Variants in CDK14 observed in about 807,000 individuals in gnomAD.
CDK14 encodes cyclin-dependent kinase 14.
In CDK14, 34 loss-of-function variants were observed where a neutral mutation model predicts 60.7. The observed-to-expected ratio is 0.56, with a 90% CI of 0.43 to 0.75. CDK14 has a LOEUF of 0.75. Ranked by LOEUF, CDK14 falls within the 30% of genes least tolerant of loss-of-function variation. CDK14 has a pLI of 0.00. For synonymous variants in CDK14, 197 were observed against 203.7 expected (o/e 0.97, Z 0.28); for missense variants, 482 against 564.1 (o/e 0.85, Z 1.47).
intron 9 of CDK14, among the ~76,000 whole-genome samples, chr7:90,975,918 A>G (rs996205042): frequency 4.6e-5 from 7 of 151,862 alleles, no homozygotes; most frequent in African/African-American, 1.7e-4. Flanking sequence ...TGTAGACCAT[A>G]TTTTCTTCAT....
At chr7:90,851,523 G>T (rs1008744926) in intron 5 of CDK14, among the ~76,000 whole-genome samples, 1 of 152,150 alleles carries the variant, frequency 6.6e-6, no homozygotes, top group African/African-American at 2.4e-5. Context: ...GGAAAGGCAG[G>T]TTGTATGAGC....
At chr7:91,100,444 G>T (rs1361574521) in intron 12 of CDK14, among the ~76,000 whole-genome samples, 1 of 152,146 alleles carries the variant, frequency 6.6e-6, no homozygotes, top group Non-Finnish European at 1.5e-5. Context: ...ATCTACTTTT[G>T]TAGGAGTTAA....
In CDK14 at chr7:90,596,526, T is replaced by TGGA; in HGVS notation, c.-93_-91dup. The TGGA allele has an allele frequency of 1.1e-6, 1 of 917,346 alleles. No individual in the cohort carries two copies. The allele number at this position is 917,346 out of a possible 1,614,324, so 56.8% of individuals were successfully genotyped here. ...GCTTCCCGGCCCGCCGAGGAGGTGG[T>TGGA]GGAGGAGGAGGCGCCGCTTTCCCCG... On this transcript the variant is annotated 5_prime_UTR_variant, in exon 1 of 15. Transcript: ENST00000380050.
chr7:90,693,525 G>A (rs1244254154), intron 2 of CDK14, among the ~76,000 whole-genome samples: 3 of 152,224 alleles, frequency 2.0e-5, no homozygotes, highest in African/African-American at 7.2e-5. Flanking sequence ...GCACGGCTGT[G>A]TTGTTGGGAA....
chr7:90,730,082 AC>A (rs1419032795), intron 3 of CDK14, among the ~76,000 whole-genome samples: 14 of 152,004 alleles, frequency 9.2e-5, no homozygotes, highest in African/African-American at 2.9e-4. Context: ...TTTAACTCCC[AC>A]TTATGAGTGA....
chr7:90,826,478 A>G (rs1407283303), intron 5 of CDK14, among the ~76,000 whole-genome samples: 1 of 152,038 alleles, frequency 6.6e-6, no homozygotes, highest in African/African-American at 2.4e-5. Flanking sequence ...TGGGCTCCCA[A>G]AGTGCTGGGA....
At chr7:91,005,432 C>A (rs1795958273) in intron 10 of CDK14, among the ~76,000 whole-genome samples, 1 of 152,210 alleles carries the variant, frequency 6.6e-6, no homozygotes, top group Admixed American at 6.5e-5. Flanking sequence ...ATGGAAGATA[C>A]CCTTGGAGTG....
At chr7:91,101,495 T>A (rs1799144947) in intron 12 of CDK14, among the ~76,000 whole-genome samples, 1 of 152,212 alleles carries the variant, frequency 6.6e-6, no homozygotes, top group South Asian at 2.1e-4. Context: ...GAATAAGTAT[T>A]GAGTATTTTT....
chr7:91,005,871 G>A (rs998450739), intron 10 of CDK14, among the ~76,000 whole-genome samples: 3 of 152,232 alleles, frequency 2.0e-5, no homozygotes, highest in Non-Finnish European at 4.4e-5. Flanking sequence ...GCAAATAGTG[G>A]TATTTTTAGA....
At chr7:90,715,853 C>G (rs1802230322) in intron 2 of CDK14, among the ~76,000 whole-genome samples, 1 of 151,636 alleles carries the variant, frequency 6.6e-6, no homozygotes, top group Non-Finnish European at 1.5e-5. Flanking sequence ...AATCTCAAAA[C>G]AAAGTCACCC....
At chr7:90,750,153 AACACACACACACACACACACACAC>A (rs3138824) in intron 4 of CDK14, among the ~76,000 whole-genome samples, 4 of 131,414 alleles carry the variant, frequency 3.0e-5, no homozygotes, top group South Asian at 2.6e-4. Flanking sequence ...GGGGAAAGAA[AACACACACACACACACACACACAC>A]ACACACACAC....
intron 2 of CDK14, among the ~76,000 whole-genome samples, chr7:90,696,250 T>C (rs1201664344): frequency 6.6e-6 from 1 of 152,092 alleles, no homozygotes; most frequent in African/African-American, 2.4e-5. Flanking sequence ...TAGGCTCATA[T>C]TGAGATGGGG....
chr7:90,730,209 T>C (rs1802808221), intron 3 of CDK14, among the ~76,000 whole-genome samples: 1 of 152,246 alleles, frequency 6.6e-6, no homozygotes, highest in South Asian at 2.1e-4. Context: ...GGCTGCATAG[T>C]ATTCCATGGT....
intron 2 of CDK14, among the ~76,000 whole-genome samples, chr7:90,697,342 T>A (rs1014672543): frequency 6.6e-6 from 1 of 152,174 alleles, no homozygotes; most frequent in African/African-American, 2.4e-5. Flanking sequence ...ATAGCACTTT[T>A]TGCATTGTGG....
intron 4 of CDK14, among the ~76,000 whole-genome samples, chr7:90,766,622 C>T (rs561877362): frequency 1.2e-4 from 18 of 152,280 alleles, no homozygotes; most frequent in Middle Eastern, 3.4e-3. Flanking sequence ...ACTTCAAAAT[C>T]TGCTTTCTTG....
intron 12 of CDK14, among the ~76,000 whole-genome samples, chr7:91,092,005 C>G (rs1045751452): frequency 2.0e-5 from 3 of 151,922 alleles, no homozygotes; most frequent in African/African-American, 7.3e-5. Flanking sequence ...TAGTTGGACC[C>G]CAGATGATAC....
At chr7:90,720,347 G>A (rs1321494228) in intron 2 of CDK14, among the ~76,000 whole-genome samples, 1 of 152,106 alleles carries the variant, frequency 6.6e-6, no homozygotes, top group Non-Finnish European at 1.5e-5. Flanking sequence ...CAGGCTGAGG[G>A]CGGTAAGAAA....
intron 14 of CDK14, among the ~76,000 whole-genome samples, chr7:91,168,059 C>T (rs1264744984): frequency 2.6e-5 from 4 of 151,970 alleles, no homozygotes; most frequent in Non-Finnish European, 4.4e-5. Context: ...GTCAGGAGAT[C>T]GAGACCACCC....
intron 11 of CDK14, among the ~76,000 whole-genome samples, chr7:91,073,073 G>A (rs911498886): frequency 6.6e-6 from 1 of 152,064 alleles, no homozygotes; most frequent in African/African-American, 2.4e-5. Context: ...CAGGGAGAAT[G>A]GAACCAAGTT....
Sources: gnomAD v4.1 joint callset for allele counts (sites outside exome capture counted in the v4.1 genomes callset) on GRCh38, gnomAD v4.1.1 for gene constraint, MANE v1.5 for transcripts, NCBI Gene and HGNC (gene_info 2026-07-23, HGNC 2026-07-21) for gene names.